JAM2: variants seen among roughly 807,000 people sequenced by gnomAD.
JAM2 encodes the protein junctional adhesion molecule B.
JAM2 carries 17 observed loss-of-function variants against 42.0 expected under a neutral mutation model. That is an observed-to-expected ratio of 0.40 (90% confidence interval 0.28 to 0.61). JAM2 has a LOEUF of 0.61. Among genes scored for constraint, JAM2 ranks in the 20% least tolerant of loss-of-function variants. The pLI is 0.37. For missense variants in JAM2, 319 were observed against 358.3 expected, an observed-to-expected ratio of 0.89 and a Z score of 0.89; for synonymous variants, 118 against 128.6, an observed-to-expected ratio of 0.92 and a Z score of 0.56.
In JAM2 at chr21:25,712,325, A is replaced by G. The variant is rs1323681492; in HGVS notation, c.822-15A>G. 6.4e-7 allele frequency: 1 copy of G among 1,563,852 alleles called. No homozygotes were observed. Among genetic ancestry groups the G allele is most frequent in the East Asian group, 2.2e-5 (1 of 44,572 alleles). On this transcript the variant is annotated splice_polypyrimidine_tract_variant and intron_variant, in intron 8 of 9. Coordinates refer to ENST00000480456, the MANE Select transcript of JAM2 (RefSeq NM_021219.4). ...GATAATGTAGTAAATATTGTCTTTT[A>G]TATTCCACAAACAGGAAGAGTAATT...
rs996681017 is a variant in JAM2, at chr21:25,714,694, C to A, written c.*22C>A. 4.8e-6 allele frequency: 7 copies of A among 1,457,644 alleles called. No homozygotes were observed. Among genetic ancestry groups the A allele is most frequent in the Non-Finnish European group, 6.4e-6 (7 of 1,086,544 alleles). 90.3% of individuals were successfully genotyped at this position (1,457,644 alleles called of 1,614,324 possible). A position where few individuals can be genotyped will look rare whatever the true frequency, so the allele number is the denominator to read the frequency against. On this transcript the variant is annotated 3_prime_UTR_variant, in exon 10 of 10. Coordinates refer to ENST00000480456, the MANE Select transcript of JAM2 (RefSeq NM_021219.4). ...TTAAAGACTCCACTTTAGAGATACACCAAAGCCACCGTTGTTACACAAGTT... is the reference window on the plus strand; with the variant it reads ...TTAAAGACTCCACTTTAGAGATACAACAAAGCCACCGTTGTTACACAAGTT...
intron 6 of JAM2, among the ~76,000 whole-genome samples, chr21:25,704,853 T>A (rs1260109740): frequency 6.6e-6 from 1 of 152,240 alleles, no homozygotes; most frequent in Non-Finnish European, 1.5e-5. Context: ...TCCATGTTCA[T>A]CATGTTATTA....
chr21:25,669,592 A>G lies in JAM2; in HGVS notation c.68-14291A>G, dbSNP rs1291965071. On this transcript the variant is annotated intron_variant, in intron 1 of 9. Transcript: ENST00000480456. ...GAGAATCTACTGTGTGCCAAGAGGTAGGCTAAGCAATTATGTACATGATTT... is the reference window on the plus strand; with the variant it reads ...GAGAATCTACTGTGTGCCAAGAGGTGGGCTAAGCAATTATGTACATGATTT... Among the ~76,000 whole-genome samples the G allele has an allele frequency of 2.0e-5, 3 of 152,172 alleles. No homozygotes were observed. The East Asian group carries it at 5.8e-4, about 29-fold the overall frequency.
chr21:25,669,936 T>A (rs746001521), intron 1 of JAM2, among the ~76,000 whole-genome samples: 4 of 152,190 alleles, frequency 2.6e-5, no homozygotes, highest in Non-Finnish European at 5.9e-5. Flanking sequence ...TAGTTCTTTA[T>A]CCCAATGGGG....
Position 25,683,934 on chromosome 21 carries a change from C to G in JAM2, c.119C>G (p.Ala40Gly). The G allele has an allele frequency of 6.2e-7, 1 of 1,604,476 alleles. No individual in the cohort carries two copies. The highest frequency in any genetic ancestry group is 8.5e-7 in the Non-Finnish European group (1 of 1,171,824). Residue 40 changes from alanine to glycine, a missense_variant, in exon 2 of 10, where the codon GCA (alanine) becomes GGA (glycine). By Grantham distance (60) the Ala-to-Gly change is moderately conservative. Transcript: ENST00000480456. ...CCAAAAGACCAACAAGTAGTCACAG[C>G]AGTAGAGTACCAAGGTACAGTATCT... ...SAPKDQQVVT[A>G]VEYQEAILAC...
At chr21:25,685,709 G>A (rs1297351967) in intron 2 of JAM2, among the ~76,000 whole-genome samples, 4 of 152,118 alleles carry the variant, frequency 2.6e-5, no homozygotes, top group Admixed American at 1.3e-4. Context: ...GGAAATTAAC[G>A]ATTGAGGGAA....
chr21:25,689,288 G>A (rs527245787), intron 2 of JAM2, among the ~76,000 whole-genome samples: 3 of 152,268 alleles, frequency 2.0e-5, no homozygotes, highest in African/African-American at 7.2e-5. Flanking sequence ...TTGTAGAGAA[G>A]GTTGACAAAG....
chr21:25,698,319 A>G (rs1342295951), intron 4 of JAM2, among the ~76,000 whole-genome samples: 1 of 152,224 alleles, frequency 6.6e-6, no homozygotes, highest in Non-Finnish European at 1.5e-5. Flanking sequence ...TGTTGTTGAC[A>G]CCTACTTGGT....
chr21:25,674,536 G>T (rs2033438320), intron 1 of JAM2, among the ~76,000 whole-genome samples: 1 of 152,170 alleles, frequency 6.6e-6, no homozygotes, highest in South Asian at 2.1e-4. Flanking sequence ...CTTAAGGGGA[G>T]AATTTATTCA....
Position 25,664,048 on chromosome 21 carries a change from C to T in JAM2, c.68-19835C>T, listed in dbSNP as rs950663329. Among the ~76,000 whole-genome samples, 9 of 152,204 alleles carry T rather than the reference C, an allele frequency of 5.9e-5. No homozygotes were observed. The South Asian group carries it at 1.9e-3, about 32-fold the overall frequency. ...TACAACTTAATGTAGGAAAGAACCC[C>T]ACTATGATTCTCCAAGGAAACTTCT... On this transcript the variant is annotated intron_variant, in intron 1 of 9. Transcript: ENST00000480456.
At chr21:25,682,906 G>A (rs4817052) in intron 1 of JAM2, among the ~76,000 whole-genome samples, 7,138 of 152,010 alleles carry the variant, frequency 0.047, 196 homozygotes, top group Middle Eastern at 0.095. Flanking sequence ...GTGTTCAGAC[G>A]TCTCTCCTCA....
Position 25,717,061 on chromosome 21 carries a change from T to C in JAM2, c.*2389T>C, listed in dbSNP as rs1684291218. The C allele has an allele frequency of 6.6e-6, 1 of 152,272 alleles. No individual in the cohort carries two copies. Among genetic ancestry groups the C allele is most frequent in the Non-Finnish European group, 1.5e-5 (1 of 68,050 alleles). The allele number at this position is 152,272 out of a possible 1,614,324, so 9.4% of individuals were successfully genotyped here. On this transcript the variant is annotated 3_prime_UTR_variant, in exon 10 of 10. Coordinates refer to ENST00000480456, the MANE Select transcript of JAM2 (RefSeq NM_021219.4). ...ATCAAAGGCTAGAGGATTCATTTTATGCAGTGCGAACATCTAATAACACTC... is the reference window on the plus strand; with the variant it reads ...ATCAAAGGCTAGAGGATTCATTTTACGCAGTGCGAACATCTAATAACACTC...
chr21:25,682,674 C>G (rs2033662276), intron 1 of JAM2, among the ~76,000 whole-genome samples: 1 of 152,252 alleles, frequency 6.6e-6, no homozygotes, highest in Non-Finnish European at 1.5e-5. Flanking sequence ...GCCAGTGTGA[C>G]AGCTTTCTGT....
chr21:25,663,229 C>A (rs572218761), intron 1 of JAM2, among the ~76,000 whole-genome samples: 7 of 152,280 alleles, frequency 4.6e-5, no homozygotes, highest in Non-Finnish European at 1.0e-4. Flanking sequence ...AGATGGGAGC[C>A]TGTTCCGAAA....
At chr21:25,656,766 G>T (rs1021107203) in intron 1 of JAM2, among the ~76,000 whole-genome samples, 6 of 152,160 alleles carry the variant, frequency 3.9e-5, no homozygotes, top group Admixed American at 2.6e-4. Flanking sequence ...AAGCAAGATT[G>T]CATCACAGCC....
At chr21:25,696,384 C>G (rs184655868) in intron 4 of JAM2, among the ~76,000 whole-genome samples, 12 of 151,972 alleles carry the variant, frequency 7.9e-5, no homozygotes, top group African/African-American at 2.7e-4. Flanking sequence ...CGTGGGGAGA[C>G]GGAGACAGAG....
chr21:25,674,576 T>C (rs1255612354), intron 1 of JAM2, among the ~76,000 whole-genome samples: 1 of 152,134 alleles, frequency 6.6e-6, no homozygotes, highest in East Asian at 1.9e-4. Context: ...ATTCCTAAGA[T>C]GATCATAAAC....
At chr21:25,657,171 C>T (rs1365822359) in intron 1 of JAM2, among the ~76,000 whole-genome samples, 1 of 151,996 alleles carries the variant, frequency 6.6e-6, no homozygotes, top group Non-Finnish European at 1.5e-5. Flanking sequence ...CAATAATAGC[C>T]TGTGCTAATT....
chr21:25,683,011 T>A (rs574047811), intron 1 of JAM2, among the ~76,000 whole-genome samples: 1 of 152,170 alleles, frequency 6.6e-6, no homozygotes, highest in South Asian at 2.1e-4. Context: ...GATTTGGGGT[T>A]TATATAGGTA....
Sources: allele counts gnomAD v4.1 joint callset (sites outside exome capture counted in the v4.1 genomes callset), GRCh38; gene constraint gnomAD v4.1.1; transcripts MANE v1.5; gene names NCBI Gene and HGNC (gene_info 2026-07-23, HGNC 2026-07-21).